The following RAP1GDS1 variants were observed in gnomAD, a reference collection of about 807,000 sequenced individuals.
RAP1GDS1 encodes the protein Rap1 GTPase-GDP dissociation stimulator 1, also known as RAP1, GTP-GDP dissociation stimulator 1.
In RAP1GDS1, 35 loss-of-function variants were observed where a neutral mutation model predicts 71.1. The observed-to-expected ratio is 0.49, with a 90% CI of 0.38 to 0.65. RAP1GDS1 has a LOEUF of 0.65. Among genes scored for constraint, RAP1GDS1 ranks in the 30% least tolerant of loss-of-function variants. RAP1GDS1 has a pLI of 0.00. For missense variants in RAP1GDS1, 663 were observed against 706.1 expected, an observed-to-expected ratio of 0.94 and a Z score of 0.69; for synonymous variants, 229 against 243.1, an observed-to-expected ratio of 0.94 and a Z score of 0.54.
chr4:98,436,945 G>T lies in RAP1GDS1; in HGVS notation c.1573G>T (p.Ala525Ser), dbSNP rs771290642. ...ALIAALELGTAEKDLESAKLV... is the reference protein window; with the variant it reads ...ALIAALELGTSEKDLESAKLV... ...ATACTTTGTTTTATTTGTAGGCACT[G>T]CTGAGAAAGATCTAGAAAGTGCTAA... The change falls in exon 14 of 15, where the codon GCT becomes TCT. Residue 525 changes from alanine (A) to serine (S), a missense_variant. Ala to Ser is a moderately conservative substitution (Grantham distance 99, BLOSUM62 1). Transcript: ENST00000408927. The T allele has an allele frequency of 3.1e-6, 5 of 1,604,126 alleles. No homozygotes were observed. Among genetic ancestry groups the T allele is most frequent in the Non-Finnish European group, 3.4e-6 (4 of 1,176,952 alleles).
At chr4:98,430,218 A>C (rs1750210017) in intron 12 of RAP1GDS1, among the ~76,000 whole-genome samples, 1 of 152,172 alleles carries the variant, frequency 6.6e-6, no homozygotes, top group African/African-American at 2.4e-5. Context: ...GTGTAGCAGA[A>C]AACAACTTGA....
intron 4 of RAP1GDS1, among the ~76,000 whole-genome samples, chr4:98,369,021 A>G (rs1474418937): frequency 6.6e-6 from 1 of 152,226 alleles, no homozygotes; most frequent in Non-Finnish European, 1.5e-5. Context: ...AGGTCTCACA[A>G]TCATGGTGAA....
intron 2 of RAP1GDS1, among the ~76,000 whole-genome samples, chr4:98,303,144 T>A (rs964172061): frequency 2.0e-5 from 3 of 151,692 alleles, no homozygotes; most frequent in African/African-American, 7.3e-5. Context: ...TTCAGGTAAC[T>A]GAAGGAATAA....
chr4:98,345,746 A>T (rs1180495470), intron 3 of RAP1GDS1, among the ~76,000 whole-genome samples: 1 of 152,212 alleles, frequency 6.6e-6, no homozygotes, highest in African/African-American at 2.4e-5. Flanking sequence ...GAGGCTAAAT[A>T]TCTTACCTGT....
chr4:98,388,217 C>G (rs965682582), intron 5 of RAP1GDS1, among the ~76,000 whole-genome samples: 1 of 152,166 alleles, frequency 6.6e-6, no homozygotes. Flanking sequence ...CTGGAATGAT[C>G]TCTTAGGCTT....
chr4:98,417,617 G>A, intron 9 of RAP1GDS1, 119 bp downstream of exon 9: 1 of 920,316 alleles, frequency 1.1e-6, no homozygotes, highest in Non-Finnish European at 1.5e-6. Flanking sequence ...TGTATATGCT[G>A]CTAACTTAAT....
At chr4:98,440,621 G>C (rs1408006567) in intron 14 of RAP1GDS1, among the ~76,000 whole-genome samples, 1 of 152,146 alleles carries the variant, frequency 6.6e-6, no homozygotes, top group African/African-American at 2.4e-5. Flanking sequence ...TTATGTGTTT[G>C]TGGGCCATTT....
chr4:98,362,408 G>GGCT (rs1445796891), intron 4 of RAP1GDS1, among the ~76,000 whole-genome samples: 2 of 152,152 alleles, frequency 1.3e-5, no homozygotes, highest in African/African-American at 4.8e-5. Context: ...GGGAGTTCAA[G>GGCT]GCTGCAGGGA....
At chr4:98,295,858 C>A (rs181862466) in intron 2 of RAP1GDS1, among the ~76,000 whole-genome samples, 1 of 151,950 alleles carries the variant, frequency 6.6e-6, no homozygotes, top group Non-Finnish European at 1.5e-5. Context: ...TATTGATACA[C>A]TTTATAAAGT....
At chr4:98,366,349 C>G (rs1739485935) in intron 4 of RAP1GDS1, among the ~76,000 whole-genome samples, 1 of 152,176 alleles carries the variant, frequency 6.6e-6, no homozygotes, top group African/African-American at 2.4e-5. Context: ...GATTGTGAGG[C>G]TTTCCCAACC....
chr4:98,381,414 T>TAAA (rs1204721188), intron 5 of RAP1GDS1, among the ~76,000 whole-genome samples: 1 of 151,668 alleles, frequency 6.6e-6, no homozygotes, highest in East Asian at 1.9e-4. Flanking sequence ...TATATCCTTT[T>TAAA]ATGTATGTTT....
At chr4:98,350,500 AGTT>A in intron 3 of RAP1GDS1, among the ~76,000 whole-genome samples, 1 of 152,128 alleles carries the variant, frequency 6.6e-6, no homozygotes, top group East Asian at 1.9e-4. Flanking sequence ...TGAGCCTAGA[AGTT>A]CGACACCAGC....
intron 2 of RAP1GDS1, among the ~76,000 whole-genome samples, chr4:98,331,559 A>G (rs1020289449): frequency 6.6e-6 from 1 of 152,214 alleles, no homozygotes; most frequent in Non-Finnish European, 1.5e-5. Context: ...GACTGATTAC[A>G]TTAGATTTCT....
At chr4:98,335,058 T>G (rs1230834273) in intron 2 of RAP1GDS1, among the ~76,000 whole-genome samples, 1 of 152,144 alleles carries the variant, frequency 6.6e-6, no homozygotes, top group Non-Finnish European at 1.5e-5. Context: ...ACTTGGTCCA[T>G]CAGTTAAAAA....
chr4:98,409,924 T>A (rs1325172235), intron 7 of RAP1GDS1, among the ~76,000 whole-genome samples: 1 of 152,144 alleles, frequency 6.6e-6, no homozygotes, highest in Admixed American at 6.6e-5. Context: ...TTTTCTTAGA[T>A]CACAAAAAGC....
chr4:98,351,280 T>A (rs1376979505), intron 3 of RAP1GDS1, among the ~76,000 whole-genome samples: 1 of 152,098 alleles, frequency 6.6e-6, no homozygotes, highest in Non-Finnish European at 1.5e-5. Flanking sequence ...GGTAGAGTAA[T>A]AAGTAAGAAA....
intron 7 of RAP1GDS1, 81 bp downstream of exon 7, chr4:98,404,683 A>T (rs1297314267): frequency 1.1e-5 from 17 of 1,478,444 alleles, no homozygotes; most frequent in Non-Finnish European, 1.5e-5. Flanking sequence ...ATTGCCAGCC[A>T]TTTGACTCAA....
chr4:98,362,564 G>C (rs1282327472), intron 4 of RAP1GDS1, among the ~76,000 whole-genome samples: 1 of 148,538 alleles, frequency 6.7e-6, no homozygotes, highest in African/African-American at 2.6e-5. Flanking sequence ...ATTAAAAGCA[G>C]TATATTTAAT....
At chr4:98,284,404 T>TA (rs1022242847) in intron 1 of RAP1GDS1, among the ~76,000 whole-genome samples, 4 of 152,108 alleles carry the variant, frequency 2.6e-5, no homozygotes, top group Non-Finnish European at 5.9e-5. Flanking sequence ...TTTCCAAAGC[T>TA]AAAAATATAA....
Sources: gnomAD v4.1 joint callset for allele counts (sites outside exome capture counted in the v4.1 genomes callset) on GRCh38, gnomAD v4.1.1 for gene constraint, MANE v1.5 for transcripts, NCBI Gene and HGNC (gene_info 2026-07-23, HGNC 2026-07-21) for gene names.